LPA: variants seen among roughly 807,000 people sequenced by gnomAD.
LPA encodes the protein lipoprotein(a).
In LPA, 199 loss-of-function variants were observed where a neutral mutation model predicts 197.9. The ratio of observed to expected loss-of-function variants is 1.01; its 90% CI spans 0.90 to 1.13. The LOEUF (loss-of-function observed/expected upper bound fraction) is 1.13. Ranked by LOEUF, LPA falls within the 50% of genes most tolerant of loss-of-function variation. The pLI is 0.00. For missense variants in LPA, 1,853 were observed against 1,785.8 expected (o/e 1.04, Z -0.68); for synonymous variants, 715 against 639.5 (o/e 1.12, Z -1.78).
At chr6:160,573,065 C>A (rs41264294) in intron 28 of LPA, among the ~76,000 whole-genome samples, 3 of 152,064 alleles carry the variant, frequency 2.0e-5, no homozygotes, top group African/African-American at 7.2e-5. Context: ...TCAGGAGCCA[C>A]GATTATTCTT....
At chr6:160,567,902 G>A (rs962820069) in intron 28 of LPA, among the ~76,000 whole-genome samples, 2 of 152,108 alleles carry the variant, frequency 1.3e-5, no homozygotes, top group African/African-American at 4.8e-5. Context: ...TAGAAGAAAT[G>A]GAAAAATTCC....
intron 16 of LPA, among the ~76,000 whole-genome samples, chr6:160,607,093 T>C (rs967463768): frequency 3.9e-5 from 6 of 152,202 alleles, no homozygotes; most frequent in Admixed American, 2.6e-4. Context: ...TATTCTAATG[T>C]GCAAGTTGCA....
intron 36 of LPA, among the ~76,000 whole-genome samples, chr6:160,539,636 C>T (rs902225208): frequency 2.6e-5 from 4 of 152,102 alleles, no homozygotes; most frequent in African/African-American, 9.7e-5. Context: ...TGATTAGAGG[C>T]GCCCACACTA....
At chr6:160,565,610 G>C (rs568018468) in intron 28 of LPA, among the ~76,000 whole-genome samples, 1 of 152,152 alleles carries the variant, frequency 6.6e-6, no homozygotes, top group Non-Finnish European at 1.5e-5. Context: ...AAAAATCAGG[G>C]TGCCTCTTCT....
chr6:160,650,261 G>T, intron 2 of LPA, 77 bp downstream of exon 2: 2 of 1,462,458 alleles, frequency 1.4e-6, no homozygotes, highest in South Asian at 2.3e-5. Flanking sequence ...ATCATAAGAA[G>T]TTAGCTTGAC....
At chr6:160,553,745 T>C (rs765562269) in intron 30 of LPA, among the ~76,000 whole-genome samples, 23 of 152,242 alleles carry the variant, frequency 1.5e-4, no homozygotes, top group Non-Finnish European at 2.5e-4. Context: ...GAGTTTATCA[T>C]TTTCTTCATA....
intron 1 of LPA, among the ~76,000 whole-genome samples, chr6:160,663,513 C>T (rs1780259525): frequency 6.6e-6 from 1 of 152,214 alleles, no homozygotes; most frequent in Non-Finnish European, 1.5e-5. Context: ...CTTACATTCA[C>T]AATCACACAC....
chr6:160,566,285 C>G (rs572715052), intron 28 of LPA, among the ~76,000 whole-genome samples: 1 of 151,872 alleles, frequency 6.6e-6, no homozygotes, highest in South Asian at 2.1e-4. Flanking sequence ...AGACTAACAG[C>G]AGATCTCTCA....
At chr6:160,602,170 G>T (rs1562339899) in intron 18 of LPA, among the ~76,000 whole-genome samples, 1 of 152,164 alleles carries the variant, frequency 6.6e-6, no homozygotes, top group South Asian at 2.1e-4. Context: ...CCAGGAAGCT[G>T]GTTCAATGAG....
intron 17 of LPA, 91 bp from the exon 18 acceptor site, chr6:160,605,296 C>T (rs1193128386): frequency 6.8e-7 from 1 of 1,461,876 alleles, no homozygotes; most frequent in Non-Finnish European, 9.5e-7. Flanking sequence ...AAAAAAGTCT[C>T]TGAGAATTAT....
rs1779318223 is a variant in LPA, at chr6:160,605,073, C to T, written c.2918G>A (p.Ser973Asn). 6.2e-7 allele frequency: 1 copy of T among 1,613,718 alleles called. No homozygotes were observed. Among genetic ancestry groups the T allele is most frequent in the African/African-American group, 1.3e-5 (1 of 74,912 alleles). ...AWSSMTPHSH[S>N]RTPAYYPNAG... ...ATTTGGGTAGTATGCTGGGGTCCGA[C>T]TATGCGAGTGTGGTGTCATAGATGA... Residue 973 changes from serine to asparagine, a missense_variant, in exon 18 of 39, where the codon AGT becomes AAT. This residue lies in a region of LPA where 1,737 missense variants were observed against 1,504.4 expected (regional missense o/e 1.15). Coordinates refer to ENST00000316300, the MANE Select transcript of LPA (RefSeq NM_005577.4).
At chr6:160,604,006 A>G (rs1394833572) in intron 18 of LPA, among the ~76,000 whole-genome samples, 1 of 152,158 alleles carries the variant, frequency 6.6e-6, no homozygotes, top group Non-Finnish European at 1.5e-5. Flanking sequence ...GTTCAATCGC[A>G]GTTGCTATTC....
Position 160,542,820 on chromosome 6 carries a change from G to A in LPA, c.5399-12C>T. On this transcript the variant is annotated splice_polypyrimidine_tract_variant and intron_variant, in intron 33 of 38. Coordinates refer to ENST00000316300, the MANE Select transcript of LPA (RefSeq NM_005577.4). Reference sequence around the variant, plus strand: ...AAATGAAGAGGATGCTGTGGCACAAGGTGGGAAAAGAAGTCGCATTTGAGT... The same window carrying A: ...AAATGAAGAGGATGCTGTGGCACAAAGTGGGAAAAGAAGTCGCATTTGAGT... 1 of 1,613,874 alleles carries A rather than the reference G, an allele frequency of 6.2e-7. No individual in the cohort carries two copies. The highest frequency in any genetic ancestry group is 8.5e-7 in the Non-Finnish European group (1 of 1,179,836).
Position 160,557,552 on chromosome 6 carries a change from A to C in LPA, c.4651T>G (p.Cys1551Gly), listed in dbSNP as rs763818436. 7.3e-5 allele frequency: 118 copies of C among 1,614,080 alleles called. No homozygotes were observed. Among genetic ancestry groups the C allele is most frequent in the Admixed American group, 3.5e-4 (21 of 60,026 alleles). ...TGTTTCCCAGAATCTGGATTCCTGC[A>C]GTAGTTCTCGGTCAGGCCACTGCAA... ...YPNAGLTENY[C>G]RNPDSGKQPW... is the part of the protein sequence containing the mutation. Residue 1551 changes from cysteine (C) to glycine (G), a missense_variant, in exon 29 of 39, where the codon TGC becomes GGC. Cys to Gly is a radical substitution (Grantham distance 159). Around this residue, in one of 3 missense-constraint regions of LPA, gnomAD observed 1,737 missense variants for 1,504.4 expected, o/e 1.15. Coordinates refer to ENST00000316300, the MANE Select transcript of LPA (RefSeq NM_005577.4).
chr6:160,658,369 G>GT (rs1479130535), intron 1 of LPA, among the ~76,000 whole-genome samples: 4 of 152,104 alleles, frequency 2.6e-5, no homozygotes, highest in South Asian at 2.1e-4. Context: ...GCTTGTCTCT[G>GT]TTTTTTCACA....
intron 22 of LPA, among the ~76,000 whole-genome samples, 199 bp from the exon 23 acceptor site, chr6:160,591,300 T>A (rs911287523): frequency 6.6e-6 from 1 of 152,210 alleles, no homozygotes; most frequent in African/African-American, 2.4e-5. Flanking sequence ...ATTCTTATTG[T>A]AACACATCCA....
chr6:160,595,557 A>T, intron 20 of LPA, 22 bp from the exon 21 acceptor site: 1 of 1,613,838 alleles, frequency 6.2e-7, no homozygotes, highest in Non-Finnish European at 8.5e-7. Flanking sequence ...AAAACAACAC[A>T]GGTCACCAGA....
chr6:160,595,260 G>C, intron 21 of LPA, 94 bp downstream of exon 21: 2 of 1,471,534 alleles, frequency 1.4e-6, no homozygotes, highest in Non-Finnish European at 9.4e-7. Context: ...ACTTGGAATT[G>C]TGTGAGCATG....
At chr6:160,647,103 G>C (rs571260858) in intron 2 of LPA, among the ~76,000 whole-genome samples, 1 of 152,144 alleles carries the variant, frequency 6.6e-6, no homozygotes, top group South Asian at 2.1e-4. Context: ...ATGGGTTCCT[G>C]GGCAGGACCT....
Sources: gnomAD v4.1 joint callset for allele counts (sites outside exome capture counted in the v4.1 genomes callset) on GRCh38, gnomAD v4.1.1 for gene constraint, gnomAD v4.1.1 regional missense constraint, MANE v1.5 for transcripts, NCBI Gene and HGNC (gene_info 2026-07-23, HGNC 2026-07-21) for gene names.